TNS3: variants seen among roughly 807,000 people sequenced by gnomAD.
TNS3 encodes tensin 3, also known as tensin-3.
TNS3 carries 45 observed loss-of-function variants against 140.9 expected under a neutral mutation model. The ratio of observed to expected loss-of-function variants is 0.32; its 90% CI spans 0.25 to 0.41. The LOEUF (loss-of-function observed/expected upper bound fraction) is 0.41. Ranked by LOEUF, TNS3 falls within the 10% of genes least tolerant of loss-of-function variation. TNS3 has a pLI of 1.00. For missense variants in TNS3, 1,716 were observed against 1,906.7 expected, an observed-to-expected ratio of 0.90 and a Z score of 1.86; for synonymous variants, 815 against 788.4, an observed-to-expected ratio of 1.03 and a Z score of -0.56.
chr7:47,565,324 C>T (rs564232110), intron 1 of TNS3, among the ~76,000 whole-genome samples: 1 of 151,932 alleles, frequency 6.6e-6, no homozygotes, highest in Non-Finnish European at 1.5e-5. Context: ...ATCCACCTGC[C>T]TCAGCCTCCC....
Position 47,384,797 on chromosome 7 carries a change from G to A in TNS3, c.1024+12003C>T, listed in dbSNP as rs148637939. Reference sequence around the variant, plus strand: ...GACATCGAGGGCAACACAGATCCATGGTGCTTCCTCTCCTAGCCCATCTAG... The same window carrying A: ...GACATCGAGGGCAACACAGATCCATAGTGCTTCCTCTCCTAGCCCATCTAG... On this transcript the variant is annotated intron_variant, in intron 16 of 30. Transcript: ENST00000311160. 2.7e-3 allele frequency among the ~76,000 whole-genome samples: 411 copies of A among 152,302 alleles called. 2 individuals are homozygous for A. Among genetic ancestry groups the A allele is most frequent in the Non-Finnish European group, 4.5e-3 (305 of 68,030 alleles).
At chr7:47,383,159 G>A (rs1791872437) in intron 16 of TNS3, among the ~76,000 whole-genome samples, 1 of 152,240 alleles carries the variant, frequency 6.6e-6, no homozygotes. Flanking sequence ...AGTGTTACGA[G>A]CCCAAATGCA....
intron 5 of TNS3, among the ~76,000 whole-genome samples, chr7:47,441,517 C>T (rs940838280): frequency 6.6e-6 from 1 of 152,192 alleles, no homozygotes; most frequent in Non-Finnish European, 1.5e-5. Context: ...AAATCAGCAT[C>T]CAAACAATTC....
At chr7:47,400,965 G>T (rs776086929) in intron 13 of TNS3, 51 bp from the exon 14 acceptor site, 1 of 1,608,522 alleles carries the variant, frequency 6.2e-7, no homozygotes, top group Admixed American at 1.7e-5. Flanking sequence ...GGGGACACAC[G>T]TTCCCGGCAA....
chr7:47,285,214 G>A (rs1000805090), intron 27 of TNS3, among the ~76,000 whole-genome samples: 4 of 152,258 alleles, frequency 2.6e-5, no homozygotes, highest in Admixed American at 6.5e-5. Flanking sequence ...TCTATCCACC[G>A]CAAAGGCCAT....
In TNS3 at chr7:47,389,100, AAGCG is replaced by A. The variant is rs1219598403; in HGVS notation, c.1024+7696_1024+7699del. Among the ~76,000 whole-genome samples the A allele has an allele frequency of 1.8e-4, 8 of 43,968 alleles. 1 individual carries two copies. The highest frequency in any genetic ancestry group is 1.2e-3 in the East Asian group (1 of 818). 28.8% of individuals were successfully genotyped at this position (43,968 alleles called of 152,430 possible). Reference sequence around the variant, plus strand: ...GAAGAAGAAGAGGAAGAGGAAGAGGAAGCGGAAGCAGAAGAAGAAGAAGAAGAAG... The same window carrying A: ...GAAGAAGAAGAGGAAGAGGAAGAGGAGAAGCAGAAGAAGAAGAAGAAGAAG... On this transcript the variant is annotated intron_variant, in intron 16 of 30. Coordinates refer to ENST00000311160, the MANE Select transcript of TNS3 (RefSeq NM_022748.12).
rs145858335 is a variant in TNS3, at chr7:47,492,818, C to T, written c.-114-11677G>A. Among the ~76,000 whole-genome samples, 25 of 152,358 alleles carry T rather than the reference C, an allele frequency of 1.6e-4. No homozygotes were observed. In the East Asian group the frequency reaches 4.4e-3, roughly 27 times the overall value. On this transcript the variant is annotated intron_variant, in intron 3 of 30. Coordinates refer to ENST00000311160, the MANE Select transcript of TNS3 (RefSeq NM_022748.12). ...AAGCAGGTGTTTGTATTTTCAACCACGCCAGCCTCATGCTGAGAAAGGCGG... is the reference window on the plus strand; with the variant it reads ...AAGCAGGTGTTTGTATTTTCAACCATGCCAGCCTCATGCTGAGAAAGGCGG...
chr7:47,557,080 T>C (rs1307559290), intron 1 of TNS3: 1 of 456,782 alleles, frequency 2.2e-6, no homozygotes, highest in Non-Finnish European at 4.4e-6. Flanking sequence ...CTTCCACCAG[T>C]TGGTGATGCA....
chr7:47,463,520 T>G (rs1267279370), intron 4 of TNS3, among the ~76,000 whole-genome samples: 1 of 152,162 alleles, frequency 6.6e-6, no homozygotes, highest in African/African-American at 2.4e-5. Context: ...AAGGACTGTC[T>G]AACACATGCG....
Position 47,277,818 on chromosome 7 carries a change from G to C in TNS3, c.*258C>G. 2 of 549,056 alleles carry C rather than the reference G, an allele frequency of 3.6e-6. No homozygotes were observed. The highest frequency in any genetic ancestry group is 6.7e-6 in the Non-Finnish European group (2 of 300,076). 34.0% of individuals were successfully genotyped at this position (549,056 alleles called of 1,614,324 possible). On this transcript the variant is annotated 3_prime_UTR_variant, in exon 31 of 31. Transcript: ENST00000311160. ...TCCCATGGGGACCCTAGGGGGTGGG[G>C]TGCACCCATGCCCAGCTTCTTCTAC...
rs557022604 is a variant in TNS3 at position 47,304,086 on chromosome 7, C to T, written c.2823-502G>A. On this transcript the variant is annotated intron_variant, in intron 21 of 30. Coordinates refer to ENST00000311160, the MANE Select transcript of TNS3 (RefSeq NM_022748.12). ...CCACATTCATCCCCCGCAGCCAGGCCGTTGGTTCACTGTGGGTCCCCTCCT... is the reference window on the plus strand; with the variant it reads ...CCACATTCATCCCCCGCAGCCAGGCTGTTGGTTCACTGTGGGTCCCCTCCT... Among the ~76,000 whole-genome samples the T allele has an allele frequency of 6.6e-5, 10 of 152,324 alleles. No homozygotes were observed. In the South Asian group the frequency reaches 2.1e-3, roughly 32 times the overall value.
intron 16 of TNS3, among the ~76,000 whole-genome samples, chr7:47,387,127 T>C (rs1185589586): frequency 1.3e-5 from 2 of 152,256 alleles, no homozygotes; most frequent in African/African-American, 4.8e-5. Flanking sequence ...ACTTTAACTA[T>C]CTAAAGTCCC....
intron 4 of TNS3, among the ~76,000 whole-genome samples, chr7:47,477,474 C>T (rs1387373412): frequency 6.6e-6 from 1 of 152,108 alleles, no homozygotes; most frequent in Non-Finnish European, 1.5e-5. Context: ...ACAGAGGGGC[C>T]TGCAGGGGCA....
chr7:47,565,080 CTA>C lies in TNS3; in HGVS notation c.-265+16969_-265+16970del, dbSNP rs763530940. On this transcript the variant is annotated intron_variant, in intron 1 of 30. Coordinates refer to ENST00000311160, the MANE Select transcript of TNS3 (RefSeq NM_022748.12). ...TCCAGAAATGTTGATTTTTTTATTT[CTA>C]TTTTTTTTTTTTTGAGACAGAGTCT... Among the ~76,000 whole-genome samples, 13 of 149,228 alleles carry C rather than the reference CTA, an allele frequency of 8.7e-5. 1 individual carries two copies. Among genetic ancestry groups the C allele is most frequent in the Non-Finnish European group, 1.0e-4 (7 of 67,124 alleles).
chr7:47,544,195 G>A (rs1324270066), intron 1 of TNS3, among the ~76,000 whole-genome samples: 1 of 151,418 alleles, frequency 6.6e-6, no homozygotes, highest in African/African-American at 2.4e-5. Context: ...AGAGGAGCAG[G>A]AAGAGTCAGA....
At chr7:47,286,077 A>G (rs960516865) in intron 27 of TNS3, among the ~76,000 whole-genome samples, 1 of 152,230 alleles carries the variant, frequency 6.6e-6, no homozygotes, top group Admixed American at 6.5e-5. Flanking sequence ...TATTAGCATT[A>G]CTGTCATGCT....
chr7:47,339,394 T>C (rs1184930097), intron 20 of TNS3, among the ~76,000 whole-genome samples: 6 of 152,198 alleles, frequency 3.9e-5, no homozygotes, highest in Non-Finnish European at 7.3e-5. Context: ...TTGGTGGCTG[T>C]TCATTGTTTT....
intron 6 of TNS3, among the ~76,000 whole-genome samples, chr7:47,438,385 G>C (rs1795296063): frequency 6.6e-6 from 1 of 152,208 alleles, no homozygotes; most frequent in Non-Finnish European, 1.5e-5. Context: ...AGGATGGCCA[G>C]AGAGGAGACT....
chr7:47,451,659 G>A (rs1014416661), intron 4 of TNS3, among the ~76,000 whole-genome samples: 7 of 152,210 alleles, frequency 4.6e-5, no homozygotes, highest in African/African-American at 1.2e-4. Context: ...GCCCGGTGAC[G>A]AGAGACACAG....
Sources: allele counts gnomAD v4.1 joint callset (sites outside exome capture counted in the v4.1 genomes callset), GRCh38; gene constraint gnomAD v4.1.1; transcripts MANE v1.5; gene names NCBI Gene and HGNC (gene_info 2026-07-23, HGNC 2026-07-21).